The following TENM2 variants were observed in gnomAD, a reference collection of about 807,000 sequenced individuals.
TENM2 encodes teneurin transmembrane protein 2, also known as teneurin-2.
A neutral mutation model predicts 245.2 loss-of-function variants in TENM2; 52 were observed. The ratio of observed to expected loss-of-function variants is 0.21; its 90% CI spans 0.17 to 0.27. TENM2 has a LOEUF of 0.27. TENM2 is among the 10% of genes least tolerant of loss of function. The pLI is 1.00. For synonymous variants in TENM2, 1,363 were observed against 1,438.9 expected, an observed-to-expected ratio of 0.95 and a Z score of 1.19; for missense variants, 3,046 against 3,666.8, an observed-to-expected ratio of 0.83 and a Z score of 4.37.
At chr5:168,151,897 T>C (rs1368537503) in intron 12 of TENM2, among the ~76,000 whole-genome samples, 1 of 152,230 alleles carries the variant, frequency 6.6e-6, no homozygotes, top group East Asian at 1.9e-4. Context: ...CTGTTTTCAA[T>C]GATGACCAAT....
intron 2 of TENM2, among the ~76,000 whole-genome samples, chr5:167,444,953 C>A (rs1424695247): frequency 6.6e-6 from 1 of 152,076 alleles, no homozygotes; most frequent in African/African-American, 2.4e-5. Flanking sequence ...AGTCTGTGAG[C>A]CTGTTTTCCC....
chr5:168,060,887 C>T (rs1220926497), intron 6 of TENM2, among the ~76,000 whole-genome samples: 1 of 152,162 alleles, frequency 6.6e-6, no homozygotes, highest in Non-Finnish European at 1.5e-5. Context: ...GCAATTTTCT[C>T]ATTTCTCAGG....
the TENM2 span, among the ~76,000 whole-genome samples, chr5:167,002,842 A>T: frequency 6.6e-6 from 1 of 152,106 alleles, no homozygotes; most frequent in African/African-American, 2.4e-5. Context: ...AGGTAGGACT[A>T]GCCTATTAAG....
chr5:167,487,592 T>G (rs1768154681), intron 2 of TENM2, among the ~76,000 whole-genome samples: 5 of 152,218 alleles, frequency 3.3e-5, no homozygotes, highest in African/African-American at 1.2e-4. Context: ...CAGCCAGCTC[T>G]CAAAGGTTTC....
chr5:168,158,398 C>G (rs556186168), intron 12 of TENM2, among the ~76,000 whole-genome samples: 1 of 151,988 alleles, frequency 6.6e-6, no homozygotes, highest in African/African-American at 2.4e-5. Context: ...TAGTACGCCC[C>G]GATTGTTTTT....
chr5:168,162,238 AAGAG>A (rs1369340572), intron 12 of TENM2, among the ~76,000 whole-genome samples: 1 of 152,202 alleles, frequency 6.6e-6, no homozygotes, highest in Non-Finnish European at 1.5e-5. Flanking sequence ...TTCTTAAAAA[AAGAG>A]AGAAAGAAAA....
chr5:167,298,805 G>A (rs555591380), intron 1 of TENM2, among the ~76,000 whole-genome samples: 1 of 152,216 alleles, frequency 6.6e-6, no homozygotes. Context: ...GCACGAGGAG[G>A]TATCAGCTGT....
At chr5:167,670,411 G>T (rs1426431332) in intron 2 of TENM2, among the ~76,000 whole-genome samples, 2 of 151,972 alleles carry the variant, frequency 1.3e-5, no homozygotes, top group African/African-American at 4.8e-5. Flanking sequence ...TGTCCTTTTT[G>T]TTTTATTTTA....
At chr5:168,204,274 G>T in intron 18 of TENM2, 98 bp from the exon 21 acceptor site, 1 of 1,341,568 alleles carries the variant, frequency 7.5e-7, no homozygotes, top group Non-Finnish European at 1.0e-6. Flanking sequence ...GAGCACTGAA[G>T]ATTCCTAATT....
intron 1 of TENM2, among the ~76,000 whole-genome samples, chr5:167,371,269 C>T (rs1760405649): frequency 6.6e-6 from 1 of 151,212 alleles, no homozygotes; most frequent in Admixed American, 6.6e-5. Context: ...GGCTTCCTTG[C>T]ACCTCCTTGA....
intron 17 of TENM2, 49 bp downstream of exon 19, chr5:168,200,180 T>A (rs1366654246): frequency 6.5e-7 from 1 of 1,545,616 alleles, no homozygotes; most frequent in East Asian, 2.3e-5. Context: ...TAGTCATGTG[T>A]TAATTCGACC....
intron 2 of TENM2, among the ~76,000 whole-genome samples, chr5:167,585,516 T>C (rs1182611723): frequency 6.6e-6 from 1 of 152,226 alleles, no homozygotes; most frequent in Non-Finnish European, 1.5e-5. Context: ...GATTTATTTT[T>C]AATTAGGCCT....
At chr5:168,240,873 G>A (rs1269543294) in intron 25 of TENM2, 4 of 152,160 alleles carry the variant, frequency 2.6e-5, no homozygotes, top group Non-Finnish European at 4.4e-5. Flanking sequence ...CTAACAAAAT[G>A]TTGGAGAGGT....
chr5:168,125,152 A>T, intron 11 of TENM2, 102 bp downstream of exon 13: 1 of 981,028 alleles, frequency 1.0e-6, no homozygotes. Context: ...TTAGCTGGGG[A>T]TAAGGGGACT....
intron 2 of TENM2, among the ~76,000 whole-genome samples, chr5:167,383,728 T>TA (rs10549785): frequency 0.11 from 12,484 of 110,238 alleles, 790 homozygotes; most frequent in Non-Finnish European, 0.16. Context: ...TGGTGCAGGA[T>TA]AAAAAAAAAA....
At chr5:167,663,103 C>A (rs1755322395) in intron 2 of TENM2, among the ~76,000 whole-genome samples, 1 of 149,660 alleles carries the variant, frequency 6.7e-6, no homozygotes, top group Non-Finnish European at 1.5e-5. Flanking sequence ...CCAGTATACA[C>A]ATTTTTAGAG....
At chr5:168,262,605 C>T in exon 29 of TENM2, 1 of 1,585,030 alleles carries the variant, frequency 6.3e-7, no homozygotes, top group Non-Finnish European at 8.6e-7. Flanking sequence ...CTGGGCACGG[C>T]CTGGGCCAAG....
At chr5:167,559,191 G>T (rs1163189456) in intron 2 of TENM2, among the ~76,000 whole-genome samples, 1 of 152,150 alleles carries the variant, frequency 6.6e-6, no homozygotes, top group East Asian at 1.9e-4. Context: ...GTAGTTGGTT[G>T]GTTGCACTTC....
chr5:168,166,966 A>G (rs151301122), intron 13 of TENM2, among the ~76,000 whole-genome samples: 1,842 of 152,166 alleles, frequency 0.012, 42 homozygotes, highest in African/African-American at 0.042. Context: ...TAACCTCAGG[A>G]AGCAATGGCT....
Sources: gnomAD v4.1 joint callset for allele counts (sites outside exome capture counted in the v4.1 genomes callset) on GRCh38, gnomAD v4.1.1 for gene constraint, MANE v1.5 for transcripts, NCBI Gene and HGNC (gene_info 2026-07-23, HGNC 2026-07-21) for gene names.